EVI5: variants seen among roughly 807,000 people sequenced by gnomAD.
EVI5 encodes the protein ecotropic viral integration site 5 protein homolog.
Under a neutral mutation model 112.0 loss-of-function variants are expected in EVI5, and 73 were observed. The observed-to-expected ratio is 0.65, with a 90% CI of 0.54 to 0.79. EVI5 has a LOEUF of 0.79. Among genes scored for constraint, EVI5 ranks in the 30% least tolerant of loss-of-function variants. The pLI, the probability that EVI5 is intolerant of heterozygous loss-of-function variation, is 0.00. For synonymous variants in EVI5, 305 were observed against 319.9 expected (o/e 0.95, Z 0.50); for missense variants, 900 against 968.8 (o/e 0.93, Z 0.94).
intron 1 of EVI5, among the ~76,000 whole-genome samples, chr1:92,744,592 TCTCTCTCTCACACACACACA>T (rs1357080324): frequency 7.4e-4 from 11 of 14,846 alleles, no homozygotes; most frequent in African/African-American, 1.4e-3. Context: ...AATATCTCTC[TCTCTCTCTCACACACACACA>T]CACACACACA....
At position 92,657,473 on chromosome 1, in the gene EVI5, G is replaced by A. The variant is rs937159915; in HGVS notation, c.1392+5246C>T. Among the ~76,000 whole-genome samples the A allele has an allele frequency of 5.9e-5, 9 of 152,178 alleles. 1 individual carries two copies. The highest frequency in any genetic ancestry group is 3.9e-4 in the Admixed American group (6 of 15,286). Reference sequence around the variant, plus strand: ...AGCCCTGGAGTTCAAGGCCAGCCTGGGTAACATGGCGAAAACCCATCTCTA... The same window carrying A: ...AGCCCTGGAGTTCAAGGCCAGCCTGAGTAACATGGCGAAAACCCATCTCTA... On this transcript the variant is annotated intron_variant, in intron 13 of 19. Transcript: ENST00000684568.
chr1:92,635,468 C>A (rs1382447061), intron 14 of EVI5, among the ~76,000 whole-genome samples: 13 of 152,202 alleles, frequency 8.5e-5, no homozygotes, highest in Admixed American at 2.0e-4. Context: ...GAGCGTAGGA[C>A]CCTCCGAGCC....
intron 1 of EVI5, among the ~76,000 whole-genome samples, chr1:92,790,570 TTCATTACTAGGC>T (rs1288564737): frequency 1.3e-5 from 2 of 151,844 alleles, no homozygotes; most frequent in Admixed American, 6.6e-5. Flanking sequence ...GTGACAGCTA[TTCATTACTAGGC>T]TCATTACTTT....
chr1:92,653,352 C>A (rs553943171), intron 13 of EVI5, among the ~76,000 whole-genome samples: 60 of 152,316 alleles, frequency 3.9e-4, no homozygotes, highest in Non-Finnish European at 6.8e-4. Context: ...CCCACTGGGA[C>A]AAAGGAAACC....
intron 10 of EVI5, among the ~76,000 whole-genome samples, chr1:92,676,836 T>C (rs1329053934): frequency 6.6e-6 from 1 of 152,176 alleles, no homozygotes; most frequent in African/African-American, 2.4e-5. Context: ...GGTCTCAGCA[T>C]AGAAAGTGTT....
chr1:92,637,046 A>G (rs1008298968), intron 13 of EVI5, among the ~76,000 whole-genome samples: 3 of 152,230 alleles, frequency 2.0e-5, no homozygotes, highest in Non-Finnish European at 2.9e-5. Context: ...AATAATGTGA[A>G]CCATCTAAAT....
In EVI5 at chr1:92,554,566, C is replaced by T. The variant is rs915293416; in HGVS notation, c.2166+9076G>A. ...CTATTGTTCCAAATATAAAAATCTGCACAATAATTTCTAAAATGGACTTTA... is the reference window on the plus strand; with the variant it reads ...CTATTGTTCCAAATATAAAAATCTGTACAATAATTTCTAAAATGGACTTTA... On this transcript the variant is annotated intron_variant, in intron 19 of 19. Coordinates refer to ENST00000684568, the MANE Select transcript of EVI5 (RefSeq NM_001350197.2). Among the ~76,000 whole-genome samples the T allele has an allele frequency of 4.6e-5, 7 of 152,220 alleles. No homozygotes were observed. The East Asian group carries it at 1.2e-3, about 25-fold the overall frequency.
intron 16 of EVI5, among the ~76,000 whole-genome samples, chr1:92,622,944 T>C (rs1654904711): frequency 6.6e-6 from 1 of 152,238 alleles, no homozygotes; most frequent in Non-Finnish European, 1.5e-5. Context: ...GCATACCTGA[T>C]TTCTCAAGTG....
chr1:92,513,165 TA>T lies in EVI5; in HGVS notation c.*490del, dbSNP rs11296452. ...TCTGTCTTAAAAAAAAAAACAACAA[TA>T]AAAAAAAAAACACAAGGTAAATCAG... is the stretch of plus-strand genomic sequence containing the variant. On this transcript the variant is annotated 3_prime_UTR_variant, in exon 20 of 20. Transcript: ENST00000684568. 87,520 of 144,644 alleles carry T rather than the reference TA, an allele frequency of 0.61. 26,962 individuals carry two copies. Among genetic ancestry groups the T allele is most frequent in the East Asian group, 0.92 (4,655 of 5,056 alleles). 9.0% of individuals were successfully genotyped at this position (144,644 alleles called of 1,614,324 possible).
intron 2 of EVI5, among the ~76,000 whole-genome samples, chr1:92,708,127 CAAAA>C (rs1296392416): frequency 2.0e-5 from 3 of 151,652 alleles, no homozygotes; most frequent in Non-Finnish European, 4.4e-5. Context: ...CTACAAGTGA[CAAAA>C]GAAAAAACAG....
chr1:92,646,469 A>G (rs2102003467), intron 13 of EVI5, among the ~76,000 whole-genome samples: 1 of 152,338 alleles, frequency 6.6e-6, no homozygotes, highest in East Asian at 1.9e-4. Flanking sequence ...GTTTGTAGAA[A>G]CAAGACAAGC....
At chr1:92,569,852 CAAAAAAAAAAAAAAAA>C (rs1184172805) in intron 18 of EVI5, among the ~76,000 whole-genome samples, 1 of 39,504 alleles carries the variant, frequency 2.5e-5, no homozygotes, top group Non-Finnish European at 4.6e-5. Context: ...GACTCCATCT[CAAAAAAAAAAAAAAAA>C]AAAAAAAAAG....
At chr1:92,665,466 C>A (rs1224840318) in intron 11 of EVI5, among the ~76,000 whole-genome samples, 1 of 152,128 alleles carries the variant, frequency 6.6e-6, no homozygotes, top group Non-Finnish European at 1.5e-5. Context: ...AAAGTTTATG[C>A]ACAATTCCTT....
intron 18 of EVI5, among the ~76,000 whole-genome samples, chr1:92,578,977 T>C (rs546376209): frequency 6.6e-6 from 1 of 152,326 alleles, no homozygotes; most frequent in East Asian, 1.9e-4. Flanking sequence ...TCTCGCAAAG[T>C]GCTGGTATTA....
chr1:92,525,372 CA>C (rs1228367769), intron 19 of EVI5, among the ~76,000 whole-genome samples: 1 of 146,910 alleles, frequency 6.8e-6, no homozygotes, highest in Non-Finnish European at 1.5e-5. Flanking sequence ...TGGGTTCAGG[CA>C]ATTCTCCTGC....
At chr1:92,604,199 T>C (rs1649832054) in intron 18 of EVI5, among the ~76,000 whole-genome samples, 2 of 151,178 alleles carry the variant, frequency 1.3e-5, no homozygotes, top group African/African-American at 4.9e-5. Context: ...AATAAATAAA[T>C]AAATAAATAA....
At chr1:92,753,425 C>T (rs1680487211) in intron 1 of EVI5, among the ~76,000 whole-genome samples, 1 of 152,132 alleles carries the variant, frequency 6.6e-6, no homozygotes, top group Admixed American at 6.5e-5. Flanking sequence ...TTAAGATTCT[C>T]TAGTAGCTAT....
At chr1:92,622,823 T>A (rs898578736) in intron 16 of EVI5, among the ~76,000 whole-genome samples, 2 of 152,206 alleles carry the variant, frequency 1.3e-5, no homozygotes, top group African/African-American at 4.8e-5. Flanking sequence ...CCTTAGGAAA[T>A]CTTTCTCCAA....
At chr1:92,685,506 A>G (rs1299189398) in intron 9 of EVI5, among the ~76,000 whole-genome samples, 1 of 152,226 alleles carries the variant, frequency 6.6e-6, no homozygotes, top group Non-Finnish European at 1.5e-5. Flanking sequence ...GAGAAGCAAG[A>G]GCAAACACAT....
Sources: allele counts gnomAD v4.1 joint callset (sites outside exome capture counted in the v4.1 genomes callset), GRCh38; gene constraint gnomAD v4.1.1; transcripts MANE v1.5; gene names NCBI Gene and HGNC (gene_info 2026-07-23, HGNC 2026-07-21).